The following CFHR4 variants were observed in gnomAD, a reference collection of about 807,000 sequenced individuals.
CFHR4 encodes complement factor H-related protein 4.
Under a neutral mutation model 69.3 loss-of-function variants are expected in CFHR4, and 64 were observed. That is an observed-to-expected ratio of 0.92 (90% CI 0.76 to 1.14). The LOEUF (loss-of-function observed/expected upper bound fraction) is 1.14, where lower values mean the gene tolerates loss of function less well. Ranked by LOEUF, CFHR4 falls within the 50% of genes most tolerant of loss-of-function variation. CFHR4 has a pLI of 0.00. For missense variants in CFHR4, 636 were observed against 684.9 expected, an observed-to-expected ratio of 0.93 and a Z score of 0.80; for synonymous variants, 244 against 237.0, an observed-to-expected ratio of 1.03 and a Z score of -0.27.
intron 1 of CFHR4, among the ~76,000 whole-genome samples, chr1:196,892,259 C>G (rs1323827075): frequency 1.3e-4 from 20 of 151,186 alleles, no homozygotes; most frequent in Admixed American, 1.3e-3. Context: ...AATAAAATGA[C>G]CAGATGAAGG....
rs1037432295 is a variant in CFHR4 at position 196,889,177 on chromosome 1, C to T, written c.58+969C>T. Among the ~76,000 whole-genome samples, 23 of 151,500 alleles carry T rather than the reference C, an allele frequency of 1.5e-4. 2 individuals are homozygous for T. Among genetic ancestry groups the T allele is most frequent in the Admixed American group, 2.6e-4 (4 of 15,160 alleles). Reference sequence around the variant, plus strand: ...AGAGTATCTTTTCCCTCAGCCTCTCCTCTCAAAGCTATGCCACTTTATTTG... The same window carrying T: ...AGAGTATCTTTTCCCTCAGCCTCTCTTCTCAAAGCTATGCCACTTTATTTG... On this transcript the variant is annotated intron_variant, in intron 1 of 9. Coordinates refer to ENST00000608469, the MANE Select transcript of CFHR4 (RefSeq NM_001201550.3).
chr1:196,890,497 T>C (rs748624575), intron 1 of CFHR4, among the ~76,000 whole-genome samples: 3 of 151,676 alleles, frequency 2.0e-5, no homozygotes, highest in African/African-American at 4.9e-5. Flanking sequence ...TCCATCAACT[T>C]GTAAGTTATT....
rs944185423 is a variant in CFHR4, at chr1:196,902,631, T to A, written c.256+16T>A. On this transcript the variant is annotated intron_variant, in intron 2 of 9. Coordinates refer to ENST00000608469, the MANE Select transcript of CFHR4 (RefSeq NM_001201550.3). ...CCATGCCTCAGTAAGTAAACCTCTT[T>A]ACAAGAATATGTGCATAAAACTTGA... 7.7e-5 allele frequency: 120 copies of A among 1,564,604 alleles called. No homozygotes were observed. The highest frequency in any genetic ancestry group is 1.0e-4 in the Non-Finnish European group (118 of 1,137,400).
In CFHR4 at chr1:196,907,366, A is replaced by C. The variant is rs1466302794; in HGVS notation, c.667A>C (p.Thr223Pro). 24 of 1,612,108 alleles carry C rather than the reference A, an allele frequency of 1.5e-5. No homozygotes were observed. The highest frequency in any genetic ancestry group is 2.2e-5 in the East Asian group (1 of 44,814). The change falls in exon 5 of 10, where the codon ACG (threonine) becomes CCG (proline). Residue 223 changes from threonine to proline, a missense_variant. By Grantham distance (38) the Thr-to-Pro change is conservative. Coordinates refer to ENST00000608469, the MANE Select transcript of CFHR4 (RefSeq NM_001201550.3). ...TCCACCTATTAGCAATGGAGATACC[A>C]CGTCCTTCCCGCAAAAAGTGTATCT... ...PPPPISNGDTTSFPQKVYLPW... is the reference protein window; with the variant it reads ...PPPPISNGDTPSFPQKVYLPW...
chr1:196,895,409 G>A (rs560580985), intron 1 of CFHR4, among the ~76,000 whole-genome samples: 1 of 151,328 alleles, frequency 6.6e-6, no homozygotes, highest in Non-Finnish European at 1.5e-5. Context: ...CACTTTGTGT[G>A]TGTTGGTCTG....
intron 1 of CFHR4, among the ~76,000 whole-genome samples, chr1:196,899,002 G>A (rs1657453684): frequency 6.6e-6 from 1 of 151,614 alleles, no homozygotes; most frequent in African/African-American, 2.4e-5. Flanking sequence ...ACTCTCACCT[G>A]AGCCATATTT....
intron 5 of CFHR4, among the ~76,000 whole-genome samples, chr1:196,909,966 A>G (rs1023713812): frequency 1.9e-4 from 29 of 151,242 alleles, no homozygotes; most frequent in African/African-American, 7.1e-4. Flanking sequence ...AGCCTGACCA[A>G]TATGGTAAAA....
At chr1:196,907,120 G>T in intron 4 of CFHR4, 83 bp downstream of exon 4, 84 of 1,215,236 alleles carry the variant, frequency 6.9e-5, no homozygotes, top group Non-Finnish European at 9.2e-5. Context: ...ATATGTGTAT[G>T]AATACATATG....
rs550990938 is a variant in CFHR4, at chr1:196,914,763, G to A, written c.1357+92G>A. The stretch of plus-strand genomic sequence containing the variant: ...TGTACACATATGTGTGTACATATAT[G>A]TACATATATATGTAGTCCTCCTATG... On this transcript the variant is annotated intron_variant, in intron 8 of 9. Coordinates refer to ENST00000608469, the MANE Select transcript of CFHR4 (RefSeq NM_001201550.3). 6.9e-5 allele frequency: 95 copies of A among 1,377,364 alleles called. 1 individual carries two copies. In the South Asian group the frequency reaches 1.3e-3, roughly 18 times the overall value. 85.3% of individuals were successfully genotyped at this position (1,377,364 alleles called of 1,614,324 possible). A position where few individuals can be genotyped will look rare whatever the true frequency, so the allele number is the denominator to read the frequency against.
At chr1:196,907,642 A>G in intron 5 of CFHR4, 144 bp downstream of exon 5, 1 of 677,680 alleles carries the variant, frequency 1.5e-6, no homozygotes, top group Non-Finnish European at 2.4e-6. Flanking sequence ...TTCAGATCTT[A>G]ATATATAAGT....
At chr1:196,896,879 G>C (rs894110151) in intron 1 of CFHR4, among the ~76,000 whole-genome samples, 1 of 151,434 alleles carries the variant, frequency 6.6e-6, no homozygotes, top group Non-Finnish European at 1.5e-5. Context: ...AGAATAACAA[G>C]CTAATGAATT....
Position 196,893,188 on chromosome 1 carries a change from T to C in CFHR4, c.58+4980T>C, listed in dbSNP as rs12733105. Among the ~76,000 whole-genome samples, 78 of 151,604 alleles carry C rather than the reference T, an allele frequency of 5.1e-4. 1 individual carries two copies. The highest frequency in any genetic ancestry group is 8.1e-4 in the Non-Finnish European group (55 of 67,954). On this transcript the variant is annotated intron_variant, in intron 1 of 9. Transcript: ENST00000608469. The stretch of plus-strand genomic sequence containing the variant: ...AGACAATATATAGATAGTTGAAGAG[T>C]TAAAGAAATTGTAGCGTAAGAAGCA...
In CFHR4 at chr1:196,902,487, A is replaced by T. The variant is rs202234955; in HGVS notation, c.128A>T (p.Tyr43Phe). 8.7e-4 allele frequency: 1,400 copies of T among 1,611,966 alleles called. 37 individuals carry two copies. The South Asian group carries it at 0.014, about 17-fold the overall frequency. ...TATTATAAGAGTTTGCGTAGACTAT[A>T]CTTTCCAGCAGCTGCAGGACAATCT... ...GLYYKSLRRL[Y>F]FPAAAGQSYS... The change falls in exon 2 of 10, where the codon TAC becomes TTC. Residue 43 changes from tyrosine (Y) to phenylalanine (F), a missense_variant. This residue lies in a region of CFHR4 where 529 missense variants were observed against 533.2 expected (regional missense o/e 0.99). Coordinates refer to ENST00000608469, the MANE Select transcript of CFHR4 (RefSeq NM_001201550.3).
intron 1 of CFHR4, among the ~76,000 whole-genome samples, chr1:196,900,749 C>T (rs934832314): frequency 6.6e-6 from 1 of 151,064 alleles, no homozygotes; most frequent in Non-Finnish European, 1.5e-5. Context: ...GAAAATAATA[C>T]AAATATCCAA....
chr1:196,918,317 T>G lies in CFHR4; in HGVS notation c.1648T>G (p.Cys550Gly). ...AKTGDTIEFM[C>G]KLGYNANTSV... Reference sequence around the variant, plus strand: ...AACAGGGGATACCATTGAATTTATGTGTAAATTGGGATATAATGCGAATAC... The same window carrying G: ...AACAGGGGATACCATTGAATTTATGGGTAAATTGGGATATAATGCGAATAC... Residue 550 changes from cysteine (C) to glycine (G), a missense_variant, in exon 10 of 10, where the codon TGT (cysteine) becomes GGT (glycine). Physicochemically the swap from Cys to Gly is radical, Grantham distance 159. Around this residue, in one of 3 missense-constraint regions of CFHR4, gnomAD observed 85 missense variants for 79.0 expected, o/e 1.08. Transcript: ENST00000608469. 6.2e-7 allele frequency: 1 copy of G among 1,610,864 alleles called. No individual in the cohort carries two copies. Among genetic ancestry groups the G allele is most frequent in the African/African-American group, 1.3e-5 (1 of 74,360 alleles).
rs751699894 is a variant in CFHR4, at chr1:196,910,318, A to T, written c.837A>T (p.Gly279=). The T allele has an allele frequency of 2.5e-6, 4 of 1,603,722 alleles. No homozygotes were observed. The change falls in exon 6 of 10, where the codon GGA becomes GGT. Residue 279 remains glycine, a synonymous_variant. Transcript: ENST00000608469. ...KPCEFPEIQH[G]HLYYENTRRP... ...GTGAGTTTCCAGAAATTCAACATGGACATCTATATTATGAGAATACGCGTA... is the reference window on the plus strand; with the variant it reads ...GTGAGTTTCCAGAAATTCAACATGGTCATCTATATTATGAGAATACGCGTA...
In CFHR4 at chr1:196,899,994, A is replaced by C. The variant is rs552880164; in HGVS notation, c.59-2424A>C. Reference sequence around the variant, plus strand: ...ATGAAATGCTACAGCAGATGGTGACAGTGAATCTGCATTAGTATAGATTCA... The same window carrying C: ...ATGAAATGCTACAGCAGATGGTGACCGTGAATCTGCATTAGTATAGATTCA... On this transcript the variant is annotated intron_variant, in intron 1 of 9. Transcript: ENST00000608469. Among the ~76,000 whole-genome samples the C allele has an allele frequency of 9.8e-4, 148 of 151,746 alleles. 3 individuals carry two copies. The South Asian group carries it at 0.013, about 13-fold the overall frequency.
rs370026617 is a variant in CFHR4 at position 196,888,191 on chromosome 1, C to A, written c.41C>A (p.Ser14Tyr). ...LINVILTLWV[S>Y]CANGQEVKPC... Reference sequence around the variant, plus strand: ...AATGTCATTCTGACCTTGTGGGTTTCCTGTGCTAATGGACAAGGTAAGTTG... The same window carrying A: ...AATGTCATTCTGACCTTGTGGGTTTACTGTGCTAATGGACAAGGTAAGTTG... Residue 14 changes from serine to tyrosine, a missense_variant, in exon 1 of 10, where the codon TCC becomes TAC. Coordinates refer to ENST00000608469, the MANE Select transcript of CFHR4 (RefSeq NM_001201550.3). 9 of 1,611,040 alleles carry A rather than the reference C, an allele frequency of 5.6e-6. No homozygotes were observed. Among genetic ancestry groups the A allele is most frequent in the Non-Finnish European group, 6.8e-6 (8 of 1,178,610 alleles).
At chr1:196,904,219 T>C (rs1657775200) in intron 2 of CFHR4, among the ~76,000 whole-genome samples, 1 of 151,550 alleles carries the variant, frequency 6.6e-6, no homozygotes, top group African/African-American at 2.4e-5. Context: ...GAAAATAAAA[T>C]TGTTTACGAG....
Sources: allele counts gnomAD v4.1 joint callset (sites outside exome capture counted in the v4.1 genomes callset), GRCh38; gene constraint gnomAD v4.1.1; regional missense constraint gnomAD v4.1.1; transcripts MANE v1.5; gene names NCBI Gene and HGNC (gene_info 2026-07-23, HGNC 2026-07-21).